PALM2AKAP2: variants seen among roughly 807,000 people sequenced by gnomAD.
PALM2AKAP2 encodes the protein PALM2 and AKAP2 fusion.
Under a neutral mutation model 71.5 loss-of-function variants are expected in PALM2AKAP2, and 37 were observed. That is an observed-to-expected ratio of 0.52 (90% CI 0.40 to 0.68). The LOEUF (loss-of-function observed/expected upper bound fraction) is 0.68, where lower values mean the gene tolerates loss of function less well. Ranked by LOEUF, PALM2AKAP2 falls within the 30% of genes least tolerant of loss-of-function variation. The probability of loss-of-function intolerance (pLI) is 0.00; values close to 1 mark genes in which losing one functional copy is unlikely to be tolerated. For missense variants in PALM2AKAP2, 1,224 were observed against 1,191.8 expected, an observed-to-expected ratio of 1.03 and a Z score of -0.40; for synonymous variants, 468 against 478.8, an observed-to-expected ratio of 0.98 and a Z score of 0.29.
intron 1 of PALM2AKAP2, among the ~76,000 whole-genome samples, chr9:109,686,432 C>A (rs2118532373): frequency 6.6e-6 from 1 of 152,312 alleles, no homozygotes; most frequent in East Asian, 1.9e-4. Context: ...GGCATGAAAA[C>A]AACATCAATC....
At chr9:109,685,580 C>CAT (rs1267696621) in intron 1 of PALM2AKAP2, among the ~76,000 whole-genome samples, 1 of 151,986 alleles carries the variant, frequency 6.6e-6, no homozygotes, top group Non-Finnish European at 1.5e-5. Context: ...AGAATTCTGT[C>CAT]ATATATATAT....
At chr9:109,660,144 T>G (rs1286153775) in intron 1 of PALM2AKAP2, among the ~76,000 whole-genome samples, 1 of 152,172 alleles carries the variant, frequency 6.6e-6, no homozygotes, top group Non-Finnish European at 1.5e-5. Flanking sequence ...CAAAAACAAC[T>G]CTTTCAGAAA....
At chr9:110,011,441 C>T (rs77586297) in intron 6 of PALM2AKAP2, among the ~76,000 whole-genome samples, 1,557 of 152,150 alleles carry the variant, frequency 0.01, 26 homozygotes, top group African/African-American at 0.036. Context: ...AGGGGAAACT[C>T]TTCTCCGGAA....
chr9:110,120,465 C>A (rs1160838985), intron 1 of PALM2AKAP2, among the ~76,000 whole-genome samples: 1 of 152,184 alleles, frequency 6.6e-6, no homozygotes, highest in Non-Finnish European at 1.5e-5. Flanking sequence ...GAATGAAATA[C>A]AACACACATT....
intron 2 of PALM2AKAP2, among the ~76,000 whole-genome samples, chr9:110,138,945 A>G (rs1835963549): frequency 6.6e-6 from 1 of 152,192 alleles, no homozygotes; most frequent in Non-Finnish European, 1.5e-5. Flanking sequence ...AGTTAAACCC[A>G]TCTGATTTGG....
At chr9:109,907,798 AAAAAC>A (rs1349446635) in intron 3 of PALM2AKAP2, among the ~76,000 whole-genome samples, 3 of 152,330 alleles carry the variant, frequency 2.0e-5, no homozygotes, top group Middle Eastern at 3.4e-3. Flanking sequence ...ACAGTTAGCA[AAAAAC>A]AAAACAAAAC....
exon 2 of PALM2AKAP2, chr9:110,138,071 G>A (rs752560049): frequency 6.2e-7 from 1 of 1,614,042 alleles, no homozygotes; most frequent in Non-Finnish European, 8.5e-7. Context: ...GGAAGCTGAA[G>A]CTGCGGCTTT....
At chr9:109,895,269 G>A (rs1484662736) in intron 3 of PALM2AKAP2, among the ~76,000 whole-genome samples, 1 of 152,240 alleles carries the variant, frequency 6.6e-6, no homozygotes, top group East Asian at 1.9e-4. Flanking sequence ...GGCAGCTCAG[G>A]CCTTCCATGC....
chr9:109,725,633 C>T (rs961250508), intron 1 of PALM2AKAP2, among the ~76,000 whole-genome samples: 1 of 152,074 alleles, frequency 6.6e-6, no homozygotes. Flanking sequence ...TATTTGTACG[C>T]TAGAATACTA....
intron 1 of PALM2AKAP2, among the ~76,000 whole-genome samples, chr9:109,767,436 C>T (rs1340437913): frequency 6.6e-6 from 1 of 152,234 alleles, no homozygotes. Context: ...CCATCTACCC[C>T]TACCACACCA....
At chr9:109,733,334 G>T (rs935449163) in intron 1 of PALM2AKAP2, among the ~76,000 whole-genome samples, 1 of 152,192 alleles carries the variant, frequency 6.6e-6, no homozygotes, top group African/African-American at 2.4e-5. Flanking sequence ...GAGAGCTCTT[G>T]CCTCTATCTC....
At chr9:109,727,726 A>T (rs1828496356) in intron 1 of PALM2AKAP2, among the ~76,000 whole-genome samples, 1 of 152,228 alleles carries the variant, frequency 6.6e-6, no homozygotes, top group Non-Finnish European at 1.5e-5. Context: ...CATATTTTTC[A>T]TGCACCGTAG....
chr9:109,749,701 G>A (rs972946235), intron 1 of PALM2AKAP2, among the ~76,000 whole-genome samples: 1 of 152,142 alleles, frequency 6.6e-6, no homozygotes, highest in African/African-American at 2.4e-5. Flanking sequence ...AAAATCAGAT[G>A]TGTGATCTCC....
chr9:110,036,046 A>G (rs1440797062), intron 7 of PALM2AKAP2, among the ~76,000 whole-genome samples: 3 of 151,770 alleles, frequency 2.0e-5, no homozygotes, highest in Non-Finnish European at 2.9e-5. Context: ...GGTTCATGCC[A>G]TTCTCCTGCC....
At chr9:109,935,954 A>T (rs1831209334) in intron 6 of PALM2AKAP2, among the ~76,000 whole-genome samples, 1 of 152,208 alleles carries the variant, frequency 6.6e-6, no homozygotes, top group South Asian at 2.1e-4. Context: ...GCAAAATCAG[A>T]CACAAGAAAT....
intron 1 of PALM2AKAP2, among the ~76,000 whole-genome samples, chr9:109,836,925 G>C: frequency 6.6e-6 from 1 of 152,288 alleles, no homozygotes; most frequent in East Asian, 1.9e-4. Context: ...AAAGTGACGG[G>C]GAGAATGGAA....
chr9:109,795,708 T>C (rs1053141836), intron 1 of PALM2AKAP2, among the ~76,000 whole-genome samples: 2 of 152,226 alleles, frequency 1.3e-5, no homozygotes, highest in African/African-American at 4.8e-5. Context: ...CCTTCTTACC[T>C]AACATTTCTG....
chr9:109,975,059 TGCACAC>T (rs1487556374), intron 6 of PALM2AKAP2, among the ~76,000 whole-genome samples: 18 of 144,514 alleles, frequency 1.2e-4, no homozygotes, highest in Non-Finnish European at 2.3e-4. Flanking sequence ...TATCTGCACG[TGCACAC>T]ACACACACAC....
At chr9:109,985,969 C>T (rs560042775) in intron 6 of PALM2AKAP2, among the ~76,000 whole-genome samples, 6 of 152,170 alleles carry the variant, frequency 3.9e-5, no homozygotes, top group East Asian at 3.9e-4. Context: ...TCTTTTATTC[C>T]GGCTGCATAC....
Sources: allele counts gnomAD v4.1 joint callset (sites outside exome capture counted in the v4.1 genomes callset), GRCh38; gene constraint gnomAD v4.1.1; transcripts MANE v1.5; gene names NCBI Gene and HGNC (gene_info 2026-07-23, HGNC 2026-07-21).